The following SLC6A11 variants were observed in gnomAD, a reference collection of about 807,000 sequenced individuals.
The protein encoded by SLC6A11 is sodium- and chloride-dependent GABA transporter 3.
SLC6A11 carries 25 observed loss-of-function variants against 74.8 expected under a neutral mutation model. The observed-to-expected ratio is 0.33, with a 90% CI of 0.24 to 0.47. SLC6A11 has a LOEUF of 0.47. Ranked by LOEUF, SLC6A11 falls within the 20% of genes least tolerant of loss-of-function variation. The pLI is 1.00. For synonymous variants in SLC6A11, 330 were observed against 330.2 expected (o/e 1.00, Z 0.01); for missense variants, 574 against 837.0 (o/e 0.69, Z 3.88).
At chr3:10,824,121 C>A (rs1334458393) in intron 4 of SLC6A11, 1 of 152,240 alleles carries the variant, frequency 6.6e-6, no homozygotes, top group Non-Finnish European at 1.5e-5. Context: ...GCACACTGAA[C>A]AACCCAAGGG....
At position 10,832,659 on chromosome 3, in the gene SLC6A11, C is replaced by T. The variant is rs552798360; in HGVS notation, c.623+9267C>T. ...AGAACTCTGTTCACAATTGAGTCTC[C>T]TCCTGCTAGTATTTCCCCGTACTCT... On this transcript the variant is annotated intron_variant, in intron 4 of 13. Coordinates refer to ENST00000254488, the MANE Select transcript of SLC6A11 (RefSeq NM_014229.3). 3.9e-5 allele frequency among the ~76,000 whole-genome samples: 6 copies of T among 152,306 alleles called. No individual in the cohort carries two copies. The South Asian group carries it at 1.0e-3, about 26-fold the overall frequency.
At position 10,912,140 on chromosome 3, in the gene SLC6A11, G is replaced by A; in HGVS notation, c.942G>A (p.Leu314=). The change falls in exon 7 of 14, where the codon CTG becomes CTA. Residue 314 remains leucine (L), a synonymous_variant. Transcript: ENST00000254488. ...TCTTTTTCTCCTATGCCATTTGCCTGGGCTGTCTGACCGCTCTGGGAAGTT... is the reference window on the plus strand; with the variant it reads ...TCTTTTTCTCCTATGCCATTTGCCTAGGCTGTCTGACCGCTCTGGGAAGTT... ...TQIFFSYAIC[L]GCLTALGSYN... 2 of 1,613,980 alleles carry A rather than the reference G, an allele frequency of 1.2e-6. No individual in the cohort carries two copies. Among genetic ancestry groups the A allele is most frequent in the South Asian group, 2.2e-5 (2 of 91,078 alleles).
intron 5 of SLC6A11, among the ~76,000 whole-genome samples, chr3:10,873,328 C>T (rs1211445732): frequency 6.8e-6 from 1 of 146,730 alleles, no homozygotes; most frequent in Non-Finnish European, 1.5e-5. Context: ...TTTTTTCTGC[C>T]CCCAAAGATT....
intron 6 of SLC6A11, among the ~76,000 whole-genome samples, chr3:10,895,220 A>T (rs1036155638): frequency 6.6e-6 from 1 of 152,144 alleles, no homozygotes; most frequent in East Asian, 1.9e-4. Context: ...TTAAAACTTA[A>T]TTTTTTTAAT....
chr3:10,839,463 G>A (rs909885274), intron 4 of SLC6A11, among the ~76,000 whole-genome samples: 6 of 152,272 alleles, frequency 3.9e-5, no homozygotes, highest in African/African-American at 1.4e-4. Context: ...TTGCCTGCTG[G>A]AGATGCCCCT....
chr3:10,835,490 G>A (rs1008889582), intron 4 of SLC6A11, among the ~76,000 whole-genome samples: 3 of 152,126 alleles, frequency 2.0e-5, no homozygotes, highest in East Asian at 1.9e-4. Flanking sequence ...CACTTCTCCC[G>A]GTGAGGCCTA....
In SLC6A11 at chr3:10,934,102, T is replaced by C. The variant is rs778862873; in HGVS notation, c.1511T>C (p.Ile504Thr). 1 of 1,613,876 alleles carries C rather than the reference T, an allele frequency of 6.2e-7. No homozygotes were observed. Among genetic ancestry groups the C allele is most frequent in the African/African-American group, 1.3e-5 (1 of 74,910 alleles). ...TTCTATGATAACATTGAAGACATGATTGGCTACCGGCCACCGTCGCTCATT... is the reference window on the plus strand; with the variant it reads ...TTCTATGATAACATTGAAGACATGACTGGCTACCGGCCACCGTCGCTCATT... ...NRFYDNIEDM[I>T]GYRPPSLIKW... Residue 504 changes from isoleucine to threonine, a missense_variant, in exon 12 of 14, where the codon ATT becomes ACT. Physicochemically the swap from Ile to Thr is moderately conservative, Grantham distance 89 (BLOSUM62 -1). This residue lies in a region of SLC6A11 where 257 missense variants were observed against 341.5 expected (regional missense o/e 0.75). Coordinates refer to ENST00000254488, the MANE Select transcript of SLC6A11 (RefSeq NM_014229.3).
At chr3:10,893,108 G>A (rs1695126742) in intron 6 of SLC6A11, among the ~76,000 whole-genome samples, 1 of 152,182 alleles carries the variant, frequency 6.6e-6, no homozygotes, top group African/African-American at 2.4e-5. Flanking sequence ...GGGATGGTGA[G>A]TACCATGATA....
At chr3:10,934,013 T>A in intron 11 of SLC6A11, 53 bp from the exon 12 acceptor site, 6 of 1,202,980 alleles carry the variant, frequency 5.0e-6, no homozygotes, top group Non-Finnish European at 1.2e-6. Context: ...CTCTGACTCA[T>A]GTACAAAACT....
At position 10,938,329 on chromosome 3, in the gene SLC6A11, T is replaced by G. The variant is rs748837206; in HGVS notation, c.1826T>G (p.Val609Gly). Residue 609 changes from valine (V) to glycine (G), a missense_variant, in exon 14 of 14, where the codon GTT (valine) becomes GGT (glycine). Coordinates refer to ENST00000254488, the MANE Select transcript of SLC6A11 (RefSeq NM_014229.3). Reference protein sequence around the residue: ...KLGVSPRMVTVNDCDAKLKSD... With the variant: ...KLGVSPRMVTGNDCDAKLKSD... ...GGGGTGAGCCCACGGATGGTGACAG[T>G]TAATGACTGTGATGCCAAACTCAAG... 1.9e-6 allele frequency: 3 copies of G among 1,613,158 alleles called. No individual in the cohort carries two copies. The highest frequency in any genetic ancestry group is 2.5e-6 in the Non-Finnish European group (3 of 1,179,352).
intron 6 of SLC6A11, among the ~76,000 whole-genome samples, chr3:10,906,074 AC>A (rs1239527583): frequency 6.6e-6 from 1 of 151,858 alleles, no homozygotes; most frequent in Non-Finnish European, 1.5e-5. Context: ...CCAAATTAAT[AC>A]CCATTTCCCC....
rs528111668 is a variant in SLC6A11 at position 10,871,899 on chromosome 3, C to T, written c.757-3062C>T. Among the ~76,000 whole-genome samples the T allele has an allele frequency of 5.3e-5, 8 of 152,284 alleles. No individual in the cohort carries two copies. In the East Asian group the frequency reaches 1.5e-3, roughly 29 times the overall value. On this transcript the variant is annotated intron_variant, in intron 5 of 13. Coordinates refer to ENST00000254488, the MANE Select transcript of SLC6A11 (RefSeq NM_014229.3). ...TGGGCTGGGGAGGTTACCATCATTG[C>T]AGAACAGAGACATTGTCTGAATAAA...
chr3:10,866,775 A>T (rs1033786940), intron 5 of SLC6A11, among the ~76,000 whole-genome samples: 3 of 152,200 alleles, frequency 2.0e-5, no homozygotes, highest in Non-Finnish European at 4.4e-5. Flanking sequence ...GTTTTCCCCT[A>T]CATTTACTAT....
intron 6 of SLC6A11, among the ~76,000 whole-genome samples, chr3:10,901,598 T>G (rs1695241108): frequency 6.6e-6 from 1 of 152,186 alleles, no homozygotes; most frequent in Admixed American, 6.5e-5. Context: ...TTCCCACCAC[T>G]GTTCCCACTG....
intron 6 of SLC6A11, among the ~76,000 whole-genome samples, chr3:10,902,954 C>T (rs893670212): frequency 2.6e-5 from 4 of 152,198 alleles, no homozygotes; most frequent in African/African-American, 9.7e-5. Flanking sequence ...CAATGGCACC[C>T]ACCTTAACCG....
At chr3:10,883,664 T>A (rs528316627) in intron 6 of SLC6A11, among the ~76,000 whole-genome samples, 6 of 152,256 alleles carry the variant, frequency 3.9e-5, no homozygotes, top group Non-Finnish European at 8.8e-5. Context: ...AGACCCTACC[T>A]GCTGAACCTC....
At chr3:10,863,669 GA>G (rs941350887) in intron 5 of SLC6A11, among the ~76,000 whole-genome samples, 1 of 152,176 alleles carries the variant, frequency 6.6e-6, no homozygotes, top group Admixed American at 6.5e-5. Flanking sequence ...AACTGGTCTT[GA>G]AGGTCAGCAA....
intron 10 of SLC6A11, among the ~76,000 whole-genome samples, chr3:10,929,917 C>G (rs116235981): frequency 0.031 from 4,753 of 152,272 alleles, 113 homozygotes; most frequent in Non-Finnish European, 0.041. Flanking sequence ...TCTCCCCCAC[C>G]TCCCATAGCC....
intron 5 of SLC6A11, among the ~76,000 whole-genome samples, chr3:10,864,764 C>T (rs1019547494): frequency 5.3e-5 from 8 of 152,318 alleles, no homozygotes; most frequent in South Asian, 2.1e-4. Flanking sequence ...CCATAGTGGC[C>T]GCTCTGGCTG....
Sources: gnomAD v4.1 joint callset for allele counts (sites outside exome capture counted in the v4.1 genomes callset) on GRCh38, gnomAD v4.1.1 for gene constraint, gnomAD v4.1.1 regional missense constraint, MANE v1.5 for transcripts, NCBI Gene and HGNC (gene_info 2026-07-23, HGNC 2026-07-21) for gene names.